The following BTRC variants were observed in gnomAD, a reference collection of about 807,000 sequenced individuals.
BTRC encodes F-box/WD repeat-containing protein 1A.
In BTRC, 42 loss-of-function variants were observed where a neutral mutation model predicts 85.5. The observed-to-expected ratio is 0.49, with a 90% CI of 0.38 to 0.64. The LOEUF (loss-of-function observed/expected upper bound fraction) is 0.64, where lower values mean the gene tolerates loss of function less well. Ranked by LOEUF, BTRC falls within the 30% of genes least tolerant of loss-of-function variation. The pLI is 0.00. For missense variants in BTRC, 594 were observed against 743.5 expected (o/e 0.80, Z 2.34); for synonymous variants, 255 against 263.3 (o/e 0.97, Z 0.30).
At chr10:101,532,235 A>G (rs1372002732) in intron 7 of BTRC, 60 bp from the exon 8 acceptor site, 10 of 1,537,484 alleles carry the variant, frequency 6.5e-6, no homozygotes, top group Non-Finnish European at 7.9e-6. Flanking sequence ...ATTAAAGCCT[A>G]AAAAGAGTTT....
chr10:101,439,242 T>C (rs1237652103), intron 2 of BTRC, among the ~76,000 whole-genome samples: 1 of 152,226 alleles, frequency 6.6e-6, no homozygotes, highest in East Asian at 1.9e-4. Context: ...ATTGGATGTG[T>C]GCCTGAGCGC....
chr10:101,526,452 C>G (rs1052645561), intron 6 of BTRC, among the ~76,000 whole-genome samples: 1 of 152,230 alleles, frequency 6.6e-6, no homozygotes, highest in Non-Finnish European at 1.5e-5. Flanking sequence ...GATCAGCCCT[C>G]CTGTTTAAAA....
intron 14 of BTRC, among the ~76,000 whole-genome samples, chr10:101,552,381 T>TG (rs1237601954): frequency 6.9e-6 from 1 of 144,942 alleles, no homozygotes; most frequent in Admixed American, 7.1e-5. Context: ...TTTGGAGAGA[T>TG]GGAGTTTCAC....
At chr10:101,413,051 A>G (rs1421636468) in intron 1 of BTRC, among the ~76,000 whole-genome samples, 1 of 152,244 alleles carries the variant, frequency 6.6e-6, no homozygotes, top group Non-Finnish European at 1.5e-5. Flanking sequence ...GATAGACTCT[A>G]GATATGCAGC....
intron 1 of BTRC, among the ~76,000 whole-genome samples, chr10:101,381,718 G>A (rs1942933135): frequency 6.6e-6 from 1 of 151,984 alleles, no homozygotes; most frequent in Non-Finnish European, 1.5e-5. Flanking sequence ...TCCCTCACCT[G>A]AATTATCTAA....
chr10:101,552,480 C>T (rs963004063), intron 14 of BTRC, among the ~76,000 whole-genome samples: 1 of 151,878 alleles, frequency 6.6e-6, no homozygotes, highest in South Asian at 2.1e-4. Flanking sequence ...AGGTGTGAGC[C>T]ACCGCACCCG....
rs186538376 is a variant in BTRC, at chr10:101,496,330, C to G, written c.324+16873C>G. Among the ~76,000 whole-genome samples the G allele has an allele frequency of 2.6e-5, 4 of 152,274 alleles. No homozygotes were observed. In the East Asian group the frequency reaches 7.7e-4, roughly 29 times the overall value. On this transcript the variant is annotated intron_variant, in intron 4 of 14. Coordinates refer to ENST00000370187, the MANE Select transcript of BTRC (RefSeq NM_033637.4). Reference sequence around the variant, plus strand: ...AAAGTTCCATCATTCCTTTTTCTCACCAACCAACACTTGGTGTTGTCTACC... The same window carrying G: ...AAAGTTCCATCATTCCTTTTTCTCAGCAACCAACACTTGGTGTTGTCTACC...
intron 1 of BTRC, among the ~76,000 whole-genome samples, chr10:101,422,021 G>C (rs1944115547): frequency 6.6e-6 from 1 of 152,102 alleles, no homozygotes; most frequent in Non-Finnish European, 1.5e-5. Flanking sequence ...GGTATTTCTA[G>C]TTCTAGATCC....
chr10:101,518,614 G>T (rs538685469), intron 4 of BTRC, among the ~76,000 whole-genome samples: 7 of 152,210 alleles, frequency 4.6e-5, no homozygotes, highest in Admixed American at 1.3e-4. Context: ...ACCACCACCG[G>T]AATGACCAGG....
At chr10:101,386,327 C>T (rs1310237973) in intron 1 of BTRC, among the ~76,000 whole-genome samples, 1 of 152,156 alleles carries the variant, frequency 6.6e-6, no homozygotes, top group African/African-American at 2.4e-5. Context: ...TCTGTTCTGT[C>T]AAGGTCAGCC....
intron 1 of BTRC, 73 bp downstream of exon 1, chr10:101,354,301 C>T (rs1941965137): frequency 2.0e-6 from 3 of 1,509,624 alleles, no homozygotes; most frequent in Admixed American, 2.0e-5. Flanking sequence ...GGGCCGCCCG[C>T]CCACTGCGGG....
intron 5 of BTRC, among the ~76,000 whole-genome samples, chr10:101,525,308 T>C (rs2062174096): frequency 6.6e-6 from 1 of 152,220 alleles, no homozygotes. Flanking sequence ...CTAACCAAGT[T>C]ATCTTTTGGT....
At chr10:101,470,329 C>CTTTTTTTTT (rs950644281) in intron 3 of BTRC, among the ~76,000 whole-genome samples, 5 of 94,930 alleles carry the variant, frequency 5.3e-5, no homozygotes, top group African/African-American at 1.4e-4. Context: ...ATTTTTCTTT[C>CTTTTTTTTT]TTTTTTTTTT....
intron 3 of BTRC, among the ~76,000 whole-genome samples, chr10:101,469,313 T>G (rs1333057228): frequency 6.6e-6 from 1 of 152,196 alleles, no homozygotes; most frequent in Non-Finnish European, 1.5e-5. Flanking sequence ...TATTGATCTG[T>G]GTTACTTCCT....
chr10:101,367,576 C>T lies in BTRC; in HGVS notation c.48+13348C>T, dbSNP rs1198287081. Among the ~76,000 whole-genome samples the T allele has an allele frequency of 3.9e-5, 6 of 152,164 alleles. No individual in the cohort carries two copies. In the East Asian group the frequency reaches 1.2e-3, roughly 29 times the overall value. ...GGAATAGAACTTTGCCAGCACTCCA[C>T]AAGTTGCCTTCATGCTCCCTTTAGT... On this transcript the variant is annotated intron_variant, in intron 1 of 14. Coordinates refer to ENST00000370187, the MANE Select transcript of BTRC (RefSeq NM_033637.4).
chr10:101,513,282 GT>G (rs1312325617), intron 4 of BTRC, among the ~76,000 whole-genome samples: 3 of 152,010 alleles, frequency 2.0e-5, no homozygotes, highest in Admixed American at 6.5e-5. Context: ...ACTCTTAGAA[GT>G]TTTTTTAAAA....
intron 1 of BTRC, among the ~76,000 whole-genome samples, chr10:101,368,920 G>C (rs1942554871): frequency 1.3e-5 from 2 of 152,124 alleles, no homozygotes; most frequent in African/African-American, 4.8e-5. Context: ...TCAGGAGGCT[G>C]ACGCACGAGA....
intron 13 of BTRC, among the ~76,000 whole-genome samples, chr10:101,543,345 TTA>T (rs1230810040): frequency 6.6e-6 from 1 of 152,244 alleles, no homozygotes; most frequent in Non-Finnish European, 1.5e-5. Flanking sequence ...TTCTGCTTTT[TTA>T]TGATTAGTGT....
chr10:101,486,388 G>T (rs186973072), intron 4 of BTRC, among the ~76,000 whole-genome samples: 104 of 151,994 alleles, frequency 6.8e-4, no homozygotes, highest in Non-Finnish European at 1.4e-3. Flanking sequence ...GTGCAGTATG[G>T]TGCAGTCTTT....
Sources: gnomAD v4.1 joint callset for allele counts (sites outside exome capture counted in the v4.1 genomes callset) on GRCh38, gnomAD v4.1.1 for gene constraint, MANE v1.5 for transcripts, NCBI Gene and HGNC (gene_info 2026-07-23, HGNC 2026-07-21) for gene names.